Variants in WFDC10B observed in about 807,000 individuals in gnomAD.
WFDC10B encodes the protein protein WFDC10B.
In WFDC10B, 1 loss-of-function variant was observed where a neutral mutation model predicts 2.7. The observed-to-expected ratio is 0.38, with a 90% CI of 0.13 to 1.79. The LOEUF (loss-of-function observed/expected upper bound fraction) is 1.79. WFDC10B is among the 40% of genes most tolerant of loss of function. WFDC10B has a pLI of 0.33. For missense variants in WFDC10B, 71 were observed against 87.8 expected (o/e 0.81, Z 0.76); for synonymous variants, 26 against 32.2 (o/e 0.81, Z 0.65).
chr20:45,692,256 G>T (rs1292030277), intron 2 of WFDC10B, among the ~76,000 whole-genome samples: 1 of 151,916 alleles, frequency 6.6e-6, no homozygotes, highest in Non-Finnish European at 1.5e-5. Context: ...TTTCTCTCTG[G>T]CTGCCCTTAA....
In WFDC10B at chr20:45,689,619, C is replaced by T. The variant is rs958719634; in HGVS notation, c.-64-3563G>A. On this transcript the variant is annotated intron_variant, in intron 2 of 3. Coordinates refer to ENST00000330523, the MANE Select transcript of WFDC10B (RefSeq NM_172006.2). ...TTTGAAGCAAATGTGAATGGGAGTT[C>T]ACTCATGATTTGGCTCTCTGTTTGT... 4.4e-3 allele frequency among the ~76,000 whole-genome samples: 672 copies of T among 152,240 alleles called. 6 individuals carry two copies. Among genetic ancestry groups the T allele is most frequent in the Non-Finnish European group, 4.2e-3 (287 of 68,030 alleles).
intron 2 of WFDC10B, among the ~76,000 whole-genome samples, chr20:45,690,272 G>A (rs1419092841): frequency 6.6e-6 from 1 of 150,642 alleles, no homozygotes; most frequent in African/African-American, 2.4e-5. Context: ...TTGCATCAAT[G>A]TTCATCAAGG....
chr20:45,702,609 A>G (rs959756096), intron 2 of WFDC10B, among the ~76,000 whole-genome samples: 1 of 152,228 alleles, frequency 6.6e-6, no homozygotes, highest in Admixed American at 6.5e-5. Flanking sequence ...AGAGACAACG[A>G]AGTTGGTAGA....
chr20:45,697,742 C>CTT lies in WFDC10B; in HGVS notation c.-65+6753_-65+6754dup, dbSNP rs1162470530. On this transcript the variant is annotated intron_variant, in intron 2 of 3. Coordinates refer to ENST00000330523, the MANE Select transcript of WFDC10B (RefSeq NM_172006.2). ...CAAGTTCCAACAGGTATTTCTTTTT[C>CTT]TTTTTTTTTTTTTTTTTTTGAGATG... Among the ~76,000 whole-genome samples the CTT allele has an allele frequency of 3.6e-3, 408 of 113,398 alleles. 5 individuals are homozygous for CTT. Among genetic ancestry groups the CTT allele is most frequent in the African/African-American group, 0.012 (344 of 29,414 alleles). 74.4% of individuals were successfully genotyped at this position (113,398 alleles called of 152,430 possible).
At position 45,704,881 on chromosome 20, in the gene WFDC10B, C is replaced by G. The variant is rs192220970; in HGVS notation, c.-130+37G>C. ...ATGCCTTTATCCACAGACCTTCCCC[C>G]GACCCAGAATCCACCCTTATCCCAG... On this transcript the variant is annotated intron_variant, in intron 1 of 3. Transcript: ENST00000330523. The G allele has an allele frequency of 2.4e-5, 38 of 1,605,036 alleles. No individual in the cohort carries two copies. In the South Asian group the frequency reaches 4.1e-4, roughly 17 times the overall value.
intron 2 of WFDC10B, among the ~76,000 whole-genome samples, chr20:45,697,379 ATTT>A (rs869059383): frequency 0.012 from 1,407 of 113,978 alleles, 13 homozygotes; most frequent in African/African-American, 0.04. Context: ...ACATCCCATC[ATTT>A]TTTTTTTTTT....
intron 2 of WFDC10B, among the ~76,000 whole-genome samples, chr20:45,697,747 T>TC (rs1169444912): frequency 6.8e-6 from 1 of 146,944 alleles, no homozygotes; most frequent in Non-Finnish European, 1.5e-5. Flanking sequence ...TTTTTCTTTT[T>TC]TTTTTTTTTT....
At chr20:45,704,353 A>C in intron 2 of WFDC10B, 144 bp downstream of exon 2, 2 of 1,506,816 alleles carry the variant, frequency 1.3e-6, no homozygotes, top group South Asian at 2.7e-5. Context: ...TGAGGGTGGC[A>C]GGTTTCCTGG....
At chr20:45,693,153 A>G (rs1190584665) in intron 2 of WFDC10B, among the ~76,000 whole-genome samples, 1 of 152,092 alleles carries the variant, frequency 6.6e-6, no homozygotes, top group Non-Finnish European at 1.5e-5. Flanking sequence ...TTTTTCGTGA[A>G]CCGCGAATGC....
At chr20:45,702,178 C>T in intron 2 of WFDC10B, 1 of 1,613,246 alleles carries the variant, frequency 6.2e-7, no homozygotes, top group Non-Finnish European at 8.5e-7. Flanking sequence ...AGCACTGCAG[C>T]TGGTGCCTGG....
chr20:45,692,562 C>T (rs571350279), intron 2 of WFDC10B, among the ~76,000 whole-genome samples: 8 of 152,272 alleles, frequency 5.3e-5, no homozygotes, highest in African/African-American at 1.9e-4. Flanking sequence ...TCTAAACTTC[C>T]CTTCTCGCTT....
chr20:45,695,987 T>A (rs559694721), intron 2 of WFDC10B, among the ~76,000 whole-genome samples: 38 of 150,744 alleles, frequency 2.5e-4, no homozygotes, highest in African/African-American at 9.3e-4. Context: ...TGTAAATACT[T>A]ACATTAAAAA....
At chr20:45,694,084 C>G (rs936390930) in intron 2 of WFDC10B, among the ~76,000 whole-genome samples, 2 of 152,172 alleles carry the variant, frequency 1.3e-5, no homozygotes, top group Admixed American at 1.3e-4. Flanking sequence ...TGTAGGTTGT[C>G]TGTTCACTCT....
chr20:45,690,697 A>AT (rs1170157741), intron 2 of WFDC10B, among the ~76,000 whole-genome samples: 2 of 151,950 alleles, frequency 1.3e-5, no homozygotes, highest in African/African-American at 4.8e-5. Flanking sequence ...CCCCTTTATC[A>AT]TTTTTTATTG....
In WFDC10B at chr20:45,684,882, T is replaced by C. The variant is rs1236997707; in HGVS notation, c.170A>G (p.Asn57Ser). ...HCSYFQKCET[N>S]KICCSAFCGN... The stretch of plus-strand genomic sequence containing the variant: ...ACAGAAGGCTGAACAGCATATCTTA[T>C]TTGTTTCACACTTTTGGAAATATGA... The change falls in exon 4 of 4, where the codon AAT (asparagine) becomes AGT (serine). Residue 57 changes from asparagine (N) to serine (S), a missense_variant. Asn to Ser is a conservative substitution (Grantham distance 46, BLOSUM62 1). Coordinates refer to ENST00000330523, the MANE Select transcript of WFDC10B (RefSeq NM_172006.2). 1 of 1,614,070 alleles carries C rather than the reference T, an allele frequency of 6.2e-7. No homozygotes were observed. Among genetic ancestry groups the C allele is most frequent in the East Asian group, 2.2e-5 (1 of 44,884 alleles).
chr20:45,696,012 C>T (rs939172302), intron 2 of WFDC10B, among the ~76,000 whole-genome samples: 12 of 152,062 alleles, frequency 7.9e-5, no homozygotes, highest in African/African-American at 2.7e-4. Context: ...CACGGCCAGG[C>T]GCAGTGGCTC....
chr20:45,691,081 A>T (rs1179086424), intron 2 of WFDC10B, among the ~76,000 whole-genome samples: 1 of 151,950 alleles, frequency 6.6e-6, no homozygotes, highest in African/African-American at 2.4e-5. Context: ...TTCTGCCTTC[A>T]TTTCGTTATG....
At chr20:45,694,189 G>A (rs1452332294) in intron 2 of WFDC10B, among the ~76,000 whole-genome samples, 1 of 152,128 alleles carries the variant, frequency 6.6e-6, no homozygotes, top group African/African-American at 2.4e-5. Flanking sequence ...TGGTGATTTT[G>A]TCATGAAATC....
chr20:45,686,450 CTT>C (rs1568669320), intron 2 of WFDC10B, among the ~76,000 whole-genome samples: 1 of 151,948 alleles, frequency 6.6e-6, no homozygotes, highest in African/African-American at 2.4e-5. Context: ...AATCACCTAT[CTT>C]TTGTTACCTA....
Sources: allele counts gnomAD v4.1 joint callset (sites outside exome capture counted in the v4.1 genomes callset), GRCh38; gene constraint gnomAD v4.1.1; transcripts MANE v1.5; gene names NCBI Gene and HGNC (gene_info 2026-07-23, HGNC 2026-07-21).